Variants in TAFA1 observed in about 807,000 individuals in gnomAD.
TAFA1 encodes TAFA chemokine like family member 1, also known as chemokine-like protein TAFA-1.
A neutral mutation model predicts 18.5 loss-of-function variants in TAFA1; 4 were observed. That is an observed-to-expected ratio of 0.22 (90% CI 0.11 to 0.49). TAFA1 has a LOEUF of 0.49. TAFA1 is among the 20% of genes least tolerant of loss of function. The pLI is 0.98. For synonymous variants in TAFA1, 56 were observed against 55.2 expected, an observed-to-expected ratio of 1.01 and a Z score of -0.06; for missense variants, 147 against 169.0, an observed-to-expected ratio of 0.87 and a Z score of 0.72.
In TAFA1 at chr3:68,108,942, T is replaced by C. The variant is rs182587011; in HGVS notation, c.118+102198T>C. The stretch of plus-strand genomic sequence containing the variant: ...GATTTTAAAAATAAAAATTCTATCA[T>C]GTTGCCATATTCTACACATTTTTTT... On this transcript the variant is annotated intron_variant, in intron 2 of 4. Coordinates refer to ENST00000478136, the MANE Select transcript of TAFA1 (RefSeq NM_213609.4). Among the ~76,000 whole-genome samples the C allele has an allele frequency of 2.7e-5, 4 of 148,474 alleles. No homozygotes were observed. The East Asian group carries it at 8.2e-4, about 31-fold the overall frequency.
At chr3:68,522,264 G>T (rs1056767971) in intron 3 of TAFA1, among the ~76,000 whole-genome samples, 6 of 152,120 alleles carry the variant, frequency 3.9e-5, no homozygotes, top group African/African-American at 1.4e-4. Flanking sequence ...AACTTGGTGA[G>T]ATCTGATATA....
chr3:68,198,855 T>C (rs1253623944), intron 2 of TAFA1, among the ~76,000 whole-genome samples: 1 of 151,538 alleles, frequency 6.6e-6, no homozygotes, highest in East Asian at 1.9e-4. Context: ...TATCAGAGAA[T>C]GGACATTTTT....
chr3:68,112,341 A>C (rs1291957991), intron 2 of TAFA1, among the ~76,000 whole-genome samples: 5 of 152,226 alleles, frequency 3.3e-5, no homozygotes, highest in Non-Finnish European at 7.3e-5. Context: ...AAGTTGTTTA[A>C]TGTTTCTTAA....
At chr3:68,262,711 T>C (rs920278755) in intron 2 of TAFA1, among the ~76,000 whole-genome samples, 31 of 152,224 alleles carry the variant, frequency 2.0e-4, no homozygotes, top group African/African-American at 7.2e-4. Context: ...ATTCCATATC[T>C]TTGCTATTGT....
chr3:68,026,376 G>A (rs1250370777), intron 2 of TAFA1, among the ~76,000 whole-genome samples: 3 of 150,094 alleles, frequency 2.0e-5, no homozygotes, highest in South Asian at 2.1e-4. Context: ...TCTCCCAATC[G>A]CCTAACAGAA....
chr3:68,007,752 C>T (rs978358030), intron 2 of TAFA1, among the ~76,000 whole-genome samples: 2 of 152,158 alleles, frequency 1.3e-5, no homozygotes, highest in Admixed American at 6.5e-5. Context: ...CCTCCTCCCC[C>T]CATCCGTCGA....
chr3:68,005,208 G>C (rs1704336899), intron 1 of TAFA1, among the ~76,000 whole-genome samples: 1 of 152,140 alleles, frequency 6.6e-6, no homozygotes, highest in Non-Finnish European at 1.5e-5. Context: ...TATTTCCACT[G>C]AAGAGAATGC....
chr3:68,493,356 A>C (rs1042723453), intron 3 of TAFA1, among the ~76,000 whole-genome samples: 5 of 152,200 alleles, frequency 3.3e-5, no homozygotes, highest in Non-Finnish European at 4.4e-5. Context: ...TTTATTGTAT[A>C]TATACACTAC....
intron 2 of TAFA1, among the ~76,000 whole-genome samples, chr3:68,112,044 C>G (rs1030674944): frequency 6.6e-6 from 1 of 151,960 alleles, no homozygotes; most frequent in Non-Finnish European, 1.5e-5. Flanking sequence ...CTGTCCATTG[C>G]ATCTTGGTAT....
intron 2 of TAFA1, among the ~76,000 whole-genome samples, chr3:68,109,133 T>A (rs527437528): frequency 6.6e-6 from 1 of 152,262 alleles, no homozygotes; most frequent in Non-Finnish European, 1.5e-5. Context: ...TTTGCTTGCT[T>A]CTGTGACAGT....
intron 3 of TAFA1, among the ~76,000 whole-genome samples, chr3:68,506,068 C>A (rs188910438): frequency 6.6e-6 from 1 of 151,858 alleles, no homozygotes; most frequent in Non-Finnish European, 1.5e-5. Flanking sequence ...GGCCCCAGTG[C>A]ATGATGTTCC....
intron 3 of TAFA1, among the ~76,000 whole-genome samples, chr3:68,501,877 A>G (rs1511899): frequency 0.2 from 30,847 of 152,142 alleles, 3,227 homozygotes; most frequent in Middle Eastern, 0.24. Context: ...TGGACACAGC[A>G]TAGAGACGTG....
At chr3:68,079,618 C>T (rs1321524278) in intron 2 of TAFA1, among the ~76,000 whole-genome samples, 25 of 152,068 alleles carry the variant, frequency 1.6e-4, no homozygotes, top group African/African-American at 4.8e-4. Flanking sequence ...TGTAGTTGAG[C>T]GGTTTTGAGT....
chr3:68,324,597 A>G (rs1485309491), intron 2 of TAFA1, among the ~76,000 whole-genome samples: 2 of 152,170 alleles, frequency 1.3e-5, no homozygotes, highest in Non-Finnish European at 2.9e-5. Flanking sequence ...TTGAATGCTC[A>G]CAAGTATTTG....
chr3:68,269,447 G>A (rs964437281), intron 2 of TAFA1, among the ~76,000 whole-genome samples: 1 of 152,180 alleles, frequency 6.6e-6, no homozygotes, highest in East Asian at 1.9e-4. Context: ...AAGCCTGGGG[G>A]ATAGTGTGAG....
intron 2 of TAFA1, among the ~76,000 whole-genome samples, chr3:68,020,430 C>T (rs561798250): frequency 6.6e-6 from 1 of 152,036 alleles, no homozygotes; most frequent in South Asian, 2.1e-4. Context: ...TTTGTAAAAC[C>T]CCTACCTTGC....
chr3:68,261,271 G>T (rs960150792), intron 2 of TAFA1, among the ~76,000 whole-genome samples: 1 of 152,170 alleles, frequency 6.6e-6, no homozygotes. Context: ...AAAAACAGGT[G>T]CTGGAGAGGA....
intron 2 of TAFA1, among the ~76,000 whole-genome samples, chr3:68,365,078 A>T (rs2106801744): frequency 6.6e-6 from 1 of 152,306 alleles, no homozygotes; most frequent in African/African-American, 2.4e-5. Context: ...AGTTTGTTAT[A>T]TTAATAGTAG....
chr3:68,025,987 T>C (rs901688248), intron 2 of TAFA1, among the ~76,000 whole-genome samples: 3 of 152,176 alleles, frequency 2.0e-5, no homozygotes, highest in African/African-American at 7.2e-5. Context: ...ATCCCTGTTA[T>C]GTCAGAGGGC....
Sources: gnomAD v4.1 joint callset for allele counts (sites outside exome capture counted in the v4.1 genomes callset) on GRCh38, gnomAD v4.1.1 for gene constraint, MANE v1.5 for transcripts, NCBI Gene and HGNC (gene_info 2026-07-23, HGNC 2026-07-21) for gene names.